PDE1C: variants seen among roughly 807,000 people sequenced by gnomAD.
The protein encoded by PDE1C is phosphodiesterase 1C.
A neutral mutation model predicts 93.1 loss-of-function variants in PDE1C; 62 were observed. The observed-to-expected ratio is 0.67, with a 90% confidence interval of 0.54 to 0.82. PDE1C has a LOEUF of 0.82. Among genes scored for constraint, PDE1C ranks in the 40% least tolerant of loss-of-function variants. The pLI is 0.00. For missense variants in PDE1C, 742 were observed against 884.6 expected, an observed-to-expected ratio of 0.84 and a Z score of 2.04; for synonymous variants, 325 against 310.1, an observed-to-expected ratio of 1.05 and a Z score of -0.50.
chr7:31,739,485 G>A, the PDE1C span, among the ~76,000 whole-genome samples: 286 of 152,126 alleles, frequency 1.9e-3, no homozygotes, highest in East Asian at 0.019. Context: ...ACCATGTGTC[G>A]GGCACTATGT....
At chr7:32,404,534 T>C (rs1375318042) in intron 1 of PDE1C, among the ~76,000 whole-genome samples, 1 of 152,064 alleles carries the variant, frequency 6.6e-6, no homozygotes, top group African/African-American at 2.4e-5. Flanking sequence ...TTTTATTTTT[T>C]ATTTTTTTAA....
the PDE1C span, among the ~76,000 whole-genome samples, chr7:31,619,503 A>G: frequency 6.6e-6 from 1 of 151,784 alleles, no homozygotes; most frequent in Admixed American, 6.6e-5. Flanking sequence ...TAGCATTTTG[A>G]TAAGAATAAC....
At chr7:32,160,920 CT>C (rs1429123199) in intron 3 of PDE1C, among the ~76,000 whole-genome samples, 5 of 152,114 alleles carry the variant, frequency 3.3e-5, no homozygotes, top group Non-Finnish European at 7.3e-5. Flanking sequence ...AAACCACTGC[CT>C]ATATTTTAGG....
chr7:31,617,581 C>A, the PDE1C span, among the ~76,000 whole-genome samples: 1 of 151,984 alleles, frequency 6.6e-6, no homozygotes, highest in African/African-American at 2.4e-5. Context: ...CCTGATTAGT[C>A]TCTTCCATTA....
intron 3 of PDE1C, among the ~76,000 whole-genome samples, chr7:32,110,685 T>C (rs1025488238): frequency 2.6e-5 from 4 of 152,118 alleles, no homozygotes; most frequent in African/African-American, 9.7e-5. Context: ...AGGTGGGAAG[T>C]AACAACTGAG....
rs1789378492 is a variant in PDE1C, at chr7:32,026,014, C to T, written c.128+25540G>A. 2.0e-5 allele frequency among the ~76,000 whole-genome samples: 3 copies of T among 152,098 alleles called. No homozygotes were observed. The South Asian group carries it at 6.2e-4, about 31-fold the overall frequency. On this transcript the variant is annotated intron_variant, in intron 2 of 17. Coordinates refer to ENST00000396191, the MANE Select transcript of PDE1C (RefSeq NM_001191057.4). ...ACAAGCTGCTATCAGAAAACAAAAG[C>T]TGCCTGTTGAGGTAACCAATATTTC...
intron 1 of PDE1C, among the ~76,000 whole-genome samples, chr7:32,297,798 T>C (rs1332852693): frequency 6.6e-6 from 1 of 152,082 alleles, no homozygotes; most frequent in African/African-American, 2.4e-5. Flanking sequence ...CTCAAATACT[T>C]TGGGTAGCAT....
chr7:31,837,992 GA>G, intron 9 of PDE1C, 21 bp from the exon 10 acceptor site: 1 of 1,497,950 alleles, frequency 6.7e-7, no homozygotes, highest in Non-Finnish European at 9.3e-7. Context: ...CAACCATGGA[GA>G]AAAAAGGATG....
At chr7:32,365,114 T>C (rs888960052) in intron 1 of PDE1C, among the ~76,000 whole-genome samples, 1 of 152,130 alleles carries the variant, frequency 6.6e-6, no homozygotes, top group Non-Finnish European at 1.5e-5. Context: ...GAAAAGCTTC[T>C]AGCCTGCCCA....
chr7:32,078,950 T>C (rs1409769421), intron 3 of PDE1C, among the ~76,000 whole-genome samples: 1 of 151,454 alleles, frequency 6.6e-6, no homozygotes, highest in Non-Finnish European at 1.5e-5. Flanking sequence ...AAGAAAATGC[T>C]AAGGCTTTAT....
At chr7:32,315,672 T>C (rs1347273638) in intron 1 of PDE1C, among the ~76,000 whole-genome samples, 2 of 152,188 alleles carry the variant, frequency 1.3e-5, no homozygotes, top group Non-Finnish European at 2.9e-5. Flanking sequence ...CAGACATAGA[T>C]GTCTAAATTA....
upstream of PDE1C, among the ~76,000 whole-genome samples, chr7:32,302,570 C>T (rs1175573246): frequency 1.3e-5 from 2 of 152,234 alleles, no homozygotes; most frequent in East Asian, 1.9e-4. Flanking sequence ...GACTCTAGTG[C>T]TAATATCAAG....
intron 2 of PDE1C, among the ~76,000 whole-genome samples, chr7:31,948,438 A>T (rs1013720081): frequency 1.3e-5 from 2 of 152,174 alleles, no homozygotes; most frequent in African/African-American, 4.8e-5. Flanking sequence ...TCTGAAGCTT[A>T]AAAAACAGTT....
chr7:32,099,934 C>A lies in PDE1C; in HGVS notation c.308+69851G>T, dbSNP rs186582270. On this transcript the variant is annotated intron_variant, in intron 3 of 18. Coordinates refer to the PDE1C transcript ENST00000396193. ...TGACCTTCACTTTCCCATGCCCCCACCCCTCATTGTCAGCATCACCAACAT... is the reference window on the plus strand; with the variant it reads ...TGACCTTCACTTTCCCATGCCCCCAACCCTCATTGTCAGCATCACCAACAT... 4.0e-3 allele frequency among the ~76,000 whole-genome samples: 610 copies of A among 152,246 alleles called. 3 individuals carry two copies. Among genetic ancestry groups the A allele is most frequent in the African/African-American group, 0.014 (583 of 41,538 alleles).
Position 31,866,565 on chromosome 7 carries a change from A to T in PDE1C, c.610-1483T>A, listed in dbSNP as rs562812748. On this transcript the variant is annotated intron_variant, in intron 6 of 17. Transcript: ENST00000396191. ...CCATGGCCATGAAGTATTTGTGGTCATGTAAAGACATATTTCCTCAGTGGG... is the reference window on the plus strand; with the variant it reads ...CCATGGCCATGAAGTATTTGTGGTCTTGTAAAGACATATTTCCTCAGTGGG... Among the ~76,000 whole-genome samples the T allele has an allele frequency of 2.0e-4, 31 of 152,316 alleles. No homozygotes were observed. In the South Asian group the frequency reaches 6.4e-3, roughly 32 times the overall value.
rs753333200 is a variant in PDE1C at position 31,751,617 on chromosome 7, G to C, written c.*1767C>G. The C allele has an allele frequency of 1.3e-5, 2 of 152,146 alleles. No individual in the cohort carries two copies. Among genetic ancestry groups the C allele is most frequent in the Non-Finnish European group, 2.9e-5 (2 of 68,038 alleles). 9.4% of individuals were successfully genotyped at this position (152,146 alleles called of 1,614,324 possible). ...AATCCAGGTGGAACAGACACTACCA[G>C]CCTGCAGAAGGGCCTTCTAACCCAG... On this transcript the variant is annotated 3_prime_UTR_variant, in exon 18 of 18. Coordinates refer to ENST00000396191, the MANE Select transcript of PDE1C (RefSeq NM_001191057.4).
At chr7:31,973,661 G>A (rs1460827857) in intron 2 of PDE1C, among the ~76,000 whole-genome samples, 1 of 152,112 alleles carries the variant, frequency 6.6e-6, no homozygotes, top group African/African-American at 2.4e-5. Context: ...TTTTACAGTT[G>A]GACAGAGACC....
At chr7:32,063,870 AT>A (rs1292195775) in intron 1 of PDE1C, among the ~76,000 whole-genome samples, 1 of 152,212 alleles carries the variant, frequency 6.6e-6, no homozygotes, top group African/African-American at 2.4e-5. Context: ...TTTCACATGT[AT>A]AAGACGTATC....
chr7:32,037,051 GA>G (rs377632566), intron 2 of PDE1C, among the ~76,000 whole-genome samples: 57 of 152,190 alleles, frequency 3.7e-4, no homozygotes, highest in African/African-American at 1.3e-3. Flanking sequence ...AATTACGTAA[GA>G]AAGAAATCAT....
Sources: allele counts gnomAD v4.1 joint callset (sites outside exome capture counted in the v4.1 genomes callset), GRCh38; gene constraint gnomAD v4.1.1; transcripts MANE v1.5; gene names NCBI Gene and HGNC (gene_info 2026-07-23, HGNC 2026-07-21).